The following TRAPPC11 variants were observed in gnomAD, a reference collection of about 807,000 sequenced individuals.
TRAPPC11 encodes the protein trafficking protein particle complex subunit 11.
In TRAPPC11, 104 loss-of-function variants were observed where a neutral mutation model predicts 151.2. That is an observed-to-expected ratio of 0.69 (90% confidence interval 0.59 to 0.81). The LOEUF (loss-of-function observed/expected upper bound fraction) is 0.81, where lower values mean the gene tolerates loss of function less well. TRAPPC11 is among the 30% of genes least tolerant of loss of function. The pLI, the probability that TRAPPC11 is intolerant of heterozygous loss-of-function variation, is 0.00. For missense variants in TRAPPC11, 1,230 were observed against 1,349.6 expected (o/e 0.91, Z 1.39); for synonymous variants, 456 against 472.3 (o/e 0.97, Z 0.45).
chr4:183,662,529 A>G (rs1579149994), intron 1 of TRAPPC11, among the ~76,000 whole-genome samples: 1 of 152,176 alleles, frequency 6.6e-6, no homozygotes, highest in African/African-American at 2.4e-5. Flanking sequence ...CAGTGGAAAC[A>G]TCCTCCGAGA....
intron 8 of TRAPPC11, among the ~76,000 whole-genome samples, chr4:183,678,088 G>A (rs1450861757): frequency 6.6e-6 from 1 of 151,828 alleles, no homozygotes; most frequent in Non-Finnish European, 1.5e-5. Flanking sequence ...ACAGGCATGC[G>A]CCACCACACC....
intron 25 of TRAPPC11, among the ~76,000 whole-genome samples, chr4:183,698,631 C>G (rs1288546157): frequency 2.0e-5 from 3 of 152,164 alleles, no homozygotes; most frequent in African/African-American, 7.2e-5. Context: ...TATGAAATAG[C>G]TCAGTGCTCA....
chr4:183,683,917 A>T (rs777722305), intron 11 of TRAPPC11, 58 bp from the exon 12 acceptor site: 1 of 1,343,394 alleles, frequency 7.4e-7, no homozygotes, highest in Non-Finnish European at 1.1e-6. Flanking sequence ...TACAACGTTC[A>T]TATGAAGATT....
chr4:183,680,324 G>C, intron 10 of TRAPPC11, 57 bp downstream of exon 10: 4 of 1,580,496 alleles, frequency 2.5e-6, no homozygotes, highest in Non-Finnish European at 3.4e-6. Context: ...TCTTTTGAAA[G>C]AAGCTAGAAC....
At chr4:183,708,353 A>G in intron 28 of TRAPPC11, 54 bp from the exon 29 acceptor site, 1 of 1,537,596 alleles carries the variant, frequency 6.5e-7, no homozygotes, top group Non-Finnish European at 8.9e-7. Context: ...CAACATATAG[A>G]TATTGCACAT....
chr4:183,692,763 G>C (rs1736316550), intron 19 of TRAPPC11, among the ~76,000 whole-genome samples, 197 bp from the exon 20 acceptor site: 1 of 152,152 alleles, frequency 6.6e-6, no homozygotes, highest in South Asian at 2.1e-4. Context: ...AGGTGAAGAA[G>C]TTGGAACCCA....
chr4:183,680,734 G>A (rs1245310001), intron 10 of TRAPPC11, among the ~76,000 whole-genome samples: 1 of 135,480 alleles, frequency 7.4e-6, no homozygotes, highest in African/African-American at 2.8e-5. Context: ...GCCCAGGCTA[G>A]AGTGCAGTGG....
At chr4:183,661,819 T>A (rs1188230772) in intron 1 of TRAPPC11, among the ~76,000 whole-genome samples, 1 of 143,444 alleles carries the variant, frequency 7.0e-6, no homozygotes, top group Non-Finnish European at 1.5e-5. Flanking sequence ...TGGAGTGCAG[T>A]GGCACAATCA....
At chr4:183,704,489 C>G (rs1289664960) in intron 26 of TRAPPC11, among the ~76,000 whole-genome samples, 3 of 144,454 alleles carry the variant, frequency 2.1e-5, no homozygotes, top group African/African-American at 7.9e-5. Flanking sequence ...CCATTGCAGC[C>G]CAGCCTGGGT....
intron 18 of TRAPPC11, among the ~76,000 whole-genome samples, chr4:183,690,620 C>G (rs1736213285): frequency 6.6e-6 from 1 of 152,076 alleles, no homozygotes. Context: ...AACGTGGAAA[C>G]AAATACATTT....
At chr4:183,682,676 G>A in intron 10 of TRAPPC11, 56 bp from the exon 11 acceptor site, 1 of 1,224,816 alleles carries the variant, frequency 8.2e-7, no homozygotes, top group Non-Finnish European at 1.1e-6. Flanking sequence ...TTGGGCAAGA[G>A]TTGATTTGCG....
At chr4:183,684,447 T>G in intron 14 of TRAPPC11, 88 bp downstream of exon 14, 1 of 1,268,588 alleles carries the variant, frequency 7.9e-7, no homozygotes, top group Non-Finnish European at 1.1e-6. Flanking sequence ...GGAGTTCGTA[T>G]TTTCATATTT....
chr4:183,669,511 T>G (rs1735042436), intron 5 of TRAPPC11, among the ~76,000 whole-genome samples: 1 of 152,236 alleles, frequency 6.6e-6, no homozygotes, highest in Non-Finnish European at 1.5e-5. Flanking sequence ...CTGGGCTCTC[T>G]CTTACTCAAC....
intron 8 of TRAPPC11, among the ~76,000 whole-genome samples, chr4:183,678,777 TAAAA>T (rs1484880790): frequency 6.6e-6 from 1 of 152,190 alleles, no homozygotes; most frequent in African/African-American, 2.4e-5. Context: ...CCTTTGTACT[TAAAA>T]AATAAAAGTG....
intron 1 of TRAPPC11, among the ~76,000 whole-genome samples, chr4:183,660,526 T>A (rs1734426749): frequency 6.6e-6 from 1 of 152,244 alleles, no homozygotes; most frequent in African/African-American, 2.4e-5. Context: ...CTGCTAGAAA[T>A]TTTTAATTTA....
In TRAPPC11 at chr4:183,693,741, A is replaced by G; in HGVS notation, c.2386+4A>G. 5 of 1,612,764 alleles carry G rather than the reference A, an allele frequency of 3.1e-6. No homozygotes were observed. The highest frequency in any genetic ancestry group is 4.2e-6 in the Non-Finnish European group (5 of 1,179,616). ...CTCACCGCTGGCTTAAAACCAGGTAAGCATTCCTTTTTGTAAGTTTGATCA... is the reference window on the plus strand; with the variant it reads ...CTCACCGCTGGCTTAAAACCAGGTAGGCATTCCTTTTTGTAAGTTTGATCA... On this transcript the variant is annotated splice_donor_region_variant and intron_variant, in intron 21 of 29. Transcript: ENST00000334690.
chr4:183,712,130 A>T (rs1737366367), intron 29 of TRAPPC11, among the ~76,000 whole-genome samples: 1 of 152,198 alleles, frequency 6.6e-6, no homozygotes, highest in African/African-American at 2.4e-5. Context: ...TTGAGTCCCC[A>T]AAAGGAACTT....
At chr4:183,700,630 A>G (rs1385728431) in intron 25 of TRAPPC11, among the ~76,000 whole-genome samples, 1 of 152,202 alleles carries the variant, frequency 6.6e-6, no homozygotes, top group African/African-American at 2.4e-5. Context: ...ATTCTTGCAC[A>G]GAGGTGAATG....
chr4:183,668,101 G>C lies in TRAPPC11; in HGVS notation c.544G>C (p.Val182Leu). 2 of 1,605,576 alleles carry C rather than the reference G, an allele frequency of 1.2e-6. No individual in the cohort carries two copies. The highest frequency in any genetic ancestry group is 1.7e-6 in the Non-Finnish European group (2 of 1,174,010). ...TGTACTGCCGCACACTGACCACCTT[G>C]TGGGTTATATTATAAGGTAAGTAGA... ...LFVLPHTDHL[V>L]GYIIRLENAF... Residue 182 changes from valine (V) to leucine (L), a missense_variant, in exon 5 of 30, where the codon GTG (valine) becomes CTG (leucine). Transcript: ENST00000334690.
Sources: gnomAD v4.1 joint callset for allele counts (sites outside exome capture counted in the v4.1 genomes callset) on GRCh38, gnomAD v4.1.1 for gene constraint, MANE v1.5 for transcripts, NCBI Gene and HGNC (gene_info 2026-07-23, HGNC 2026-07-21) for gene names.